PIWIL2: variants seen among roughly 807,000 people sequenced by gnomAD.
PIWIL2 encodes piwi like RNA-mediated gene silencing 2.
PIWIL2 carries 81 observed loss-of-function variants against 116.5 expected under a neutral mutation model. That is an observed-to-expected ratio of 0.70 (90% CI 0.58 to 0.84). The LOEUF is 0.84. Ranked by LOEUF, PIWIL2 falls within the 40% of genes least tolerant of loss-of-function variation. The probability of loss-of-function intolerance (pLI) is 0.00; values close to 1 mark genes in which losing one functional copy is unlikely to be tolerated. For missense variants in PIWIL2, 1,272 were observed against 1,212.3 expected, an observed-to-expected ratio of 1.05 and a Z score of -0.73; for synonymous variants, 489 against 429.5, an observed-to-expected ratio of 1.14 and a Z score of -1.71.
chr8:22,288,553 A>G lies in PIWIL2; in HGVS notation c.873A>G (p.Leu291=). ...LPVKLQQVLE[L]KSQRKTDSAE... is the part of the protein sequence containing the mutation. ...TATTTATTTGTTAGGTTCTTGAGTT[A>G]AAAAGTCAAAGGAAAACAGACAGTG... The change falls in exon 8 of 23, where the codon TTA becomes TTG. Residue 291 remains leucine, a synonymous_variant. Coordinates refer to ENST00000356766, the MANE Select transcript of PIWIL2 (RefSeq NM_018068.5). 1 of 1,612,344 alleles carries G rather than the reference A, an allele frequency of 6.2e-7. No homozygotes were observed. Among genetic ancestry groups the G allele is most frequent in the African/African-American group, 1.3e-5 (1 of 74,998 alleles).
chr8:22,318,438 C>G lies in PIWIL2; in HGVS notation c.2403+163C>G, dbSNP rs144931145. On this transcript the variant is annotated intron_variant, in intron 20 of 22. Transcript: ENST00000356766. ...GTTCAAGCGGTTCTCCTGCCTCAGCCTTCCAAGTAGCTGGGATTACAGGCG... is the reference window on the plus strand; with the variant it reads ...GTTCAAGCGGTTCTCCTGCCTCAGCGTTCCAAGTAGCTGGGATTACAGGCG... Among the ~76,000 whole-genome samples the G allele has an allele frequency of 8.1e-3, 1,228 of 152,224 alleles. 7 individuals are homozygous for G. Among genetic ancestry groups the G allele is most frequent in the South Asian group, 0.015 (71 of 4,824 alleles).
chr8:22,312,284 G>A (rs950106805), intron 16 of PIWIL2, among the ~76,000 whole-genome samples: 1 of 137,840 alleles, frequency 7.3e-6, no homozygotes, highest in African/African-American at 2.5e-5. Flanking sequence ...AAAAAAAAAT[G>A]AGATAGGATT....
At chr8:22,342,692 C>T (rs530793144) in intron 20 of PIWIL2, among the ~76,000 whole-genome samples, 1 of 152,174 alleles carries the variant, frequency 6.6e-6, no homozygotes, top group East Asian at 1.9e-4. Context: ...ATCTAGGTGG[C>T]TTTGGGTTTG....
chr8:22,342,108 T>C (rs934342066), intron 20 of PIWIL2, among the ~76,000 whole-genome samples: 1 of 151,946 alleles, frequency 6.6e-6, no homozygotes, highest in African/African-American at 2.4e-5. Flanking sequence ...GCCTAACAAA[T>C]TACATACAAG....
intron 20 of PIWIL2, among the ~76,000 whole-genome samples, chr8:22,348,601 T>C (rs1298185579): frequency 6.6e-6 from 1 of 152,132 alleles, no homozygotes; most frequent in Non-Finnish European, 1.5e-5. Context: ...TGAGACTTCG[T>C]CTCTACTATA....
chr8:22,310,610 C>T (rs778038715), intron 15 of PIWIL2, among the ~76,000 whole-genome samples: 20 of 150,734 alleles, frequency 1.3e-4, no homozygotes, highest in Non-Finnish European at 1.8e-4. Flanking sequence ...AAACGTGTAA[C>T]TTGATGAGTT....
chr8:22,287,967 T>G (rs949269323), intron 7 of PIWIL2, among the ~76,000 whole-genome samples: 21 of 152,188 alleles, frequency 1.4e-4, no homozygotes, highest in Non-Finnish European at 1.6e-4. Context: ...GAGGAATGGT[T>G]GGAAGTCTGT....
chr8:22,308,115 C>A (rs1831233633), intron 14 of PIWIL2, 42 bp downstream of exon 14: 2 of 1,502,620 alleles, frequency 1.3e-6, no homozygotes, highest in Admixed American at 1.8e-5. Context: ...TGTACAGAGA[C>A]ACGTGTGCAA....
chr8:22,315,128 G>A lies in PIWIL2; in HGVS notation c.2191G>A (p.Gly731Arg). The A allele has an allele frequency of 6.3e-7, 1 of 1,587,930 alleles. No homozygotes were observed. The highest frequency in any genetic ancestry group is 1.1e-5 in the South Asian group (1 of 90,502). The change falls in exon 18 of 23, where the codon GGA becomes AGA. Residue 731 changes from glycine (G) to arginine (R), a missense_variant. Gly to Arg is a moderately radical substitution (Grantham distance 125). Transcript: ENST00000356766. ...INCKLGGELW[G>R]VDIPLKQLMV... Reference sequence around the variant, plus strand: ...CTGTAAATTGGGTGGTGAGCTCTGGGGAGTGGATATTCCTCTGGTGAGTGA... The same window carrying A: ...CTGTAAATTGGGTGGTGAGCTCTGGAGAGTGGATATTCCTCTGGTGAGTGA...
In PIWIL2 at chr8:22,355,570, C is replaced by T; in HGVS notation, c.*65C>T. ...CCTCAGAACTCAGCTGTGACTCTTG[C>T]AGAATCAACAGAGACTGAAGTGGGC... On this transcript the variant is annotated 3_prime_UTR_variant, in exon 23 of 23. Coordinates refer to ENST00000356766, the MANE Select transcript of PIWIL2 (RefSeq NM_018068.5). The T allele has an allele frequency of 1.4e-6, 2 of 1,406,540 alleles. No homozygotes were observed. The highest frequency in any genetic ancestry group is 2.4e-5 in the East Asian group (1 of 42,550). The allele number at this position is 1,406,540 out of a possible 1,614,324, so 87.1% of individuals were successfully genotyped here. A position where few individuals can be genotyped will look rare whatever the true frequency, so the allele number is the denominator to read the frequency against.
intron 10 of PIWIL2, among the ~76,000 whole-genome samples, chr8:22,291,954 A>C (rs980995425): frequency 6.6e-6 from 1 of 152,158 alleles, no homozygotes; most frequent in Non-Finnish European, 1.5e-5. Context: ...GTAGTGGGGC[A>C]GGGGGCGGAG....
rs560160338 is a variant in PIWIL2, at chr8:22,355,101, CA to C, written c.2766-238del. ...AAAACAAAACAAAAAACAACAACAA[CA>C]AAAAAAAAACAGGGAAATGCCTCAA... On this transcript the variant is annotated intron_variant, in intron 22 of 22. Transcript: ENST00000356766. Among the ~76,000 whole-genome samples the C allele has an allele frequency of 5.0e-3, 709 of 141,124 alleles. 6 individuals carry two copies. Among genetic ancestry groups the C allele is most frequent in the African/African-American group, 0.019 (670 of 35,842 alleles). 92.6% of individuals were successfully genotyped at this position (141,124 alleles called of 152,430 possible).
chr8:22,329,966 G>A (rs1310261007), intron 20 of PIWIL2, among the ~76,000 whole-genome samples: 1 of 152,104 alleles, frequency 6.6e-6, no homozygotes, highest in East Asian at 1.9e-4. Context: ...TTGGGGATGT[G>A]TCCGTTAATG....
intron 21 of PIWIL2, 147 bp from the exon 22 acceptor site, chr8:22,354,124 T>C: frequency 3.3e-6 from 2 of 606,702 alleles, no homozygotes; most frequent in South Asian, 3.9e-5. Context: ...ACCTGGGTTC[T>C]AATCCTGGTC....
Position 22,304,934 on chromosome 8 carries a change from G to T in PIWIL2, c.1455+66G>T, listed in dbSNP as rs754184948. On this transcript the variant is annotated intron_variant, in intron 12 of 22. Coordinates refer to ENST00000356766, the MANE Select transcript of PIWIL2 (RefSeq NM_018068.5). ...TTCATCCTGTCAGCTGCTTTTAGCC[G>T]TCCTCATGGCTTTGTGGGAGCTGTG... 9 of 1,072,854 alleles carry T rather than the reference G, an allele frequency of 8.4e-6. No individual in the cohort carries two copies. In the South Asian group the frequency reaches 1.1e-4, roughly 14 times the overall value. 66.5% of individuals were successfully genotyped at this position (1,072,854 alleles called of 1,614,324 possible).
intron 10 of PIWIL2, among the ~76,000 whole-genome samples, chr8:22,299,954 G>A (rs139807876): frequency 3.3e-5 from 5 of 151,254 alleles, no homozygotes; most frequent in Admixed American, 3.3e-4. Flanking sequence ...TTTTTTGGGT[G>A]GGGGGAACAG....
intron 13 of PIWIL2, among the ~76,000 whole-genome samples, chr8:22,306,623 T>A (rs1831187217): frequency 6.6e-6 from 1 of 152,152 alleles, no homozygotes; most frequent in African/African-American, 2.4e-5. Context: ...ACGCTTGAAC[T>A]CCTCTCTGCT....
chr8:22,344,093 A>G (rs1832171510), intron 20 of PIWIL2, among the ~76,000 whole-genome samples: 1 of 152,226 alleles, frequency 6.6e-6, no homozygotes, highest in Admixed American at 6.5e-5. Flanking sequence ...GGAATCTTAA[A>G]TACATATTGC....
In PIWIL2 at chr8:22,356,104, A is replaced by G. The variant is rs1418133513; in HGVS notation, c.*599A>G. 2.0e-5 allele frequency: 3 copies of G among 151,844 alleles called. No homozygotes were observed. In the East Asian group the frequency reaches 5.8e-4, roughly 29 times the overall value. The allele number at this position is 151,844 out of a possible 1,614,324, so 9.4% of individuals were successfully genotyped here. ...AAAAAAAAAAGCCAACATGAGCTGC[A>G]GAAACCAGCAGAAGCAGCCATTATA... On this transcript the variant is annotated 3_prime_UTR_variant, in exon 23 of 23. Transcript: ENST00000356766.
Sources: allele counts gnomAD v4.1 joint callset (sites outside exome capture counted in the v4.1 genomes callset), GRCh38; gene constraint gnomAD v4.1.1; transcripts MANE v1.5; gene names NCBI Gene and HGNC (gene_info 2026-07-23, HGNC 2026-07-21).